PLAGL1: variants seen among roughly 807,000 people sequenced by gnomAD.
PLAGL1 encodes zinc finger protein PLAGL1.
PLAGL1 carries 1 observed loss-of-function variant against 4.6 expected under a neutral mutation model. The ratio of observed to expected loss-of-function variants is 0.22; its 90% CI spans 0.08 to 1.03. The LOEUF (loss-of-function observed/expected upper bound fraction) is 1.03. Ranked by LOEUF, PLAGL1 falls within the 50% of genes least tolerant of loss-of-function variation. The pLI is 0.58. For missense variants in PLAGL1, 464 were observed against 570.4 expected, an observed-to-expected ratio of 0.81 and a Z score of 1.90; for synonymous variants, 240 against 237.8, an observed-to-expected ratio of 1.01 and a Z score of -0.08.
intron 1 of PLAGL1, among the ~76,000 whole-genome samples, chr6:144,026,796 C>T (rs1796375005): frequency 6.6e-6 from 1 of 152,202 alleles, no homozygotes; most frequent in Non-Finnish European, 1.5e-5. Context: ...ACTGTAACTA[C>T]TGGCAAAGCA....
chr6:144,064,022 C>T lies in PLAGL1; in HGVS notation c.-151+446G>A, dbSNP rs1041601944. Among the ~76,000 whole-genome samples the T allele has an allele frequency of 4.6e-5, 7 of 152,330 alleles. No individual in the cohort carries two copies. Among genetic ancestry groups the T allele is most frequent in the Non-Finnish European group, 8.8e-5 (6 of 68,024 alleles). ...CGTTGGGGTGGTTCAGCAATGATCA[C>T]CCCGCCGTCTGCGCAGACAGCCCCG... On this transcript the variant is annotated intron_variant, in intron 1 of 3. Transcript: ENST00000437412. The surrounding 1 kb of genome is among the most constrained non-coding windows in gnomAD (Gnocchi z 6.8).
At chr6:144,060,804 G>A (rs1015987933) in intron 1 of PLAGL1, among the ~76,000 whole-genome samples, 7 of 152,328 alleles carry the variant, frequency 4.6e-5, no homozygotes, top group African/African-American at 1.7e-4. Flanking sequence ...CCTCTTCAGA[G>A]ATCAGACCTA....
At chr6:143,991,134 A>G (rs1410745288) in intron 1 of PLAGL1, among the ~76,000 whole-genome samples, 1 of 152,230 alleles carries the variant, frequency 6.6e-6, no homozygotes, top group Admixed American at 6.5e-5. Flanking sequence ...TTATGTCCAC[A>G]AGGTTGGAAA....
intron 2 of PLAGL1, among the ~76,000 whole-genome samples, chr6:143,981,652 T>TTG (rs750395457): frequency 6.6e-6 from 1 of 152,196 alleles, no homozygotes; most frequent in Non-Finnish European, 1.5e-5. Flanking sequence ...TATGGGCTTT[T>TTG]TGTGTGTGTC....
In PLAGL1 at chr6:144,034,596, C is replaced by A. The variant is rs1797080610; in HGVS notation, c.-151+29872G>T. Among the ~76,000 whole-genome samples, 1 of 152,124 alleles carries A rather than the reference C, an allele frequency of 6.6e-6. No homozygotes were observed. The highest frequency in any genetic ancestry group is 1.5e-5 in the Non-Finnish European group (1 of 68,026). On this transcript the variant is annotated intron_variant, in intron 1 of 3. Coordinates refer to the PLAGL1 transcript ENST00000437412. This position sits in a 1 kb window ranked among gnomAD's most constrained non-coding sequence, Gnocchi z 4.7. Reference sequence around the variant, plus strand: ...TCCTCCAGCAAAGAAAAGTGGGAGGCCCCGACAAATTGTCATTATGCAATA... The same window carrying A: ...TCCTCCAGCAAAGAAAAGTGGGAGGACCCGACAAATTGTCATTATGCAATA...
chr6:144,056,654 C>T lies in PLAGL1; in HGVS notation c.-151+7814G>A, dbSNP rs1332416996. 6.6e-6 allele frequency among the ~76,000 whole-genome samples: 1 copy of T among 151,914 alleles called. No individual in the cohort carries two copies. The highest frequency in any genetic ancestry group is 1.5e-5 in the Non-Finnish European group (1 of 68,006). ...TCCATGTCCTTTCATGGCTTGATAG[C>T]TCTTTGTTTTTGTTTTTGTTTTTTT... is the stretch of plus-strand genomic sequence containing the variant. On this transcript the variant is annotated intron_variant, in intron 1 of 3. Coordinates refer to the PLAGL1 transcript ENST00000437412. This position sits in a 1 kb window ranked among gnomAD's most constrained non-coding sequence, Gnocchi z 4.7.
At position 144,039,008 on chromosome 6, in the gene PLAGL1, T is replaced by A. The variant is rs1306114030; in HGVS notation, c.-151+25460A>T. 1.3e-5 allele frequency among the ~76,000 whole-genome samples: 2 copies of A among 152,076 alleles called. No homozygotes were observed. ...AAAGAAAACCATGCCAAGAGACACA[T>A]CATAAAAATTGCTGAGAGCCAGTAA... On this transcript the variant is annotated intron_variant, in intron 1 of 3. Transcript: ENST00000437412. This position sits in a 1 kb window ranked among gnomAD's most constrained non-coding sequence, Gnocchi z 4.1.
intron 1 of PLAGL1, among the ~76,000 whole-genome samples, chr6:144,045,144 C>T (rs1012353671): frequency 2.0e-5 from 3 of 151,760 alleles, no homozygotes; most frequent in African/African-American, 4.8e-5. Context: ...TCCAATTTGC[C>T]AGTCTGTGTC....
Position 143,941,648 on chromosome 6 carries a change from G to T in PLAGL1, c.1168C>A (p.Pro390Thr). The T allele has an allele frequency of 6.2e-7, 1 of 1,614,200 alleles. No homozygotes were observed. Among genetic ancestry groups the T allele is most frequent in the Non-Finnish European group, 8.5e-7 (1 of 1,180,022 alleles). The stretch of plus-strand genomic sequence containing the variant: ...AAGGTATTTTGGGTAGCAGGAGGGG[G>T]CAGCTGCCAGAAGCCCAACAGGGGG... The part of the protein sequence containing the change: ...LSPLLGFWQL[P>T]PPATQNTFGN... Residue 390 changes from proline to threonine, a missense_variant, in exon 8 of 8, where the codon CCC becomes ACC. Transcript: ENST00000674357. The surrounding 1 kb of genome is among the most constrained non-coding windows in gnomAD (Gnocchi z 6.0).
Position 144,056,895 on chromosome 6 carries a change from A to G in PLAGL1, c.-151+7573T>C, listed in dbSNP as rs1184948956. 3.3e-5 allele frequency among the ~76,000 whole-genome samples: 5 copies of G among 152,110 alleles called. No individual in the cohort carries two copies. The highest frequency in any genetic ancestry group is 5.9e-5 in the Non-Finnish European group (4 of 68,014). On this transcript the variant is annotated intron_variant, in intron 1 of 3. Coordinates refer to the PLAGL1 transcript ENST00000437412. The surrounding 1 kb of genome is among the most constrained non-coding windows in gnomAD (Gnocchi z 4.7). ...AGGCTGCTCTCAAACTCCCAGGCTC[A>G]AGCAATCCTCCTGCCTCAGCCTCCC...
rs1349453851 is a variant in PLAGL1, at chr6:143,989,404, C to T, written c.-583-4230G>A. 2.6e-5 allele frequency among the ~76,000 whole-genome samples: 4 copies of T among 152,208 alleles called. No individual in the cohort carries two copies. Among genetic ancestry groups the T allele is most frequent in the Admixed American group, 2.0e-4 (3 of 15,282 alleles). On this transcript the variant is annotated intron_variant, in intron 1 of 7. Transcript: ENST00000674357. The surrounding 1 kb of genome is among the most constrained non-coding windows in gnomAD (Gnocchi z 4.8). ...TTGGTGGAGTTCGGAGCATACCACC[C>T]TCCCAAATATGGGCTGGCATCATCC...
intron 1 of PLAGL1, chr6:144,007,160 G>A (rs1291685970): frequency 6.6e-6 from 1 of 152,226 alleles, no homozygotes; most frequent in Non-Finnish European, 1.5e-5. Flanking sequence ...TTTAACTTCA[G>A]AGCGAAAAGC....
intron 7 of PLAGL1, among the ~76,000 whole-genome samples, chr6:143,944,724 T>C (rs1054219846): frequency 1.3e-5 from 2 of 151,930 alleles, no homozygotes; most frequent in Non-Finnish European, 2.9e-5. Flanking sequence ...TGTATATATA[T>C]ATATATCGCA....
Position 143,965,647 on chromosome 6 carries a change from T to C in PLAGL1, c.-431+511A>G, listed in dbSNP as rs1454821078. ...CTGTGTTAAATTGTACCCAAGAAGA[T>C]AACTCACAAGGCAAGGAACACGGAA... On this transcript the variant is annotated intron_variant, in intron 4 of 7. Coordinates refer to ENST00000674357, the MANE Select transcript of PLAGL1 (RefSeq NM_001317162.2). This position sits in a 1 kb window ranked among gnomAD's most constrained non-coding sequence, Gnocchi z 7.5. The C allele has an allele frequency of 6.6e-6, 1 of 152,122 alleles. No individual in the cohort carries two copies. 9.4% of individuals were successfully genotyped at this position (152,122 alleles called of 1,614,324 possible).
intron 1 of PLAGL1, among the ~76,000 whole-genome samples, chr6:143,986,632 A>G (rs1391938635): frequency 6.6e-6 from 1 of 152,224 alleles, no homozygotes; most frequent in African/African-American, 2.4e-5. Context: ...GATTATAGTA[A>G]TTTGACAGAC....
chr6:144,017,563 G>A (rs891890731), intron 1 of PLAGL1, among the ~76,000 whole-genome samples: 1 of 152,118 alleles, frequency 6.6e-6, no homozygotes, highest in Non-Finnish European at 1.5e-5. Context: ...ACTCATTATC[G>A]AGCCTGCTCA....
rs1284735989 is a variant in PLAGL1 at position 143,979,195 on chromosome 6, G to GC, written c.-544+5939dup. On this transcript the variant is annotated intron_variant, in intron 2 of 7. Transcript: ENST00000674357. The surrounding 1 kb of genome is among the most constrained non-coding windows in gnomAD (Gnocchi z 4.6). ...ACACATGAAGTGCATTTTTTTGTAG[G>GC]CAGCATATAGTTAGTTCTCAAAGCG... Among the ~76,000 whole-genome samples the GC allele has an allele frequency of 6.6e-6, 1 of 151,910 alleles. No individual in the cohort carries two copies. Among genetic ancestry groups the GC allele is most frequent in the Non-Finnish European group, 1.5e-5 (1 of 67,932 alleles).
At position 144,016,080 on chromosome 6, in the gene PLAGL1, G is replaced by A. The variant is rs536599497; in HGVS notation, c.-150-47102C>T. 5.9e-5 allele frequency among the ~76,000 whole-genome samples: 9 copies of A among 151,354 alleles called. No homozygotes were observed. The highest frequency in any genetic ancestry group is 1.5e-4 in the African/African-American group (6 of 41,198). On this transcript the variant is annotated intron_variant, in intron 1 of 3. Coordinates refer to the PLAGL1 transcript ENST00000437412. This position sits in a 1 kb window ranked among gnomAD's most constrained non-coding sequence, Gnocchi z 4.2. The stretch of plus-strand genomic sequence containing the variant: ...TTGTATTAGTCAGGGTTCTCTAGAG[G>A]GACAGAACTAATAAGAGATATACAT...
rs1375310628 is a variant in PLAGL1, at chr6:144,055,562, C to T, written c.-151+8906G>A. On this transcript the variant is annotated intron_variant, in intron 1 of 3. Coordinates refer to the PLAGL1 transcript ENST00000437412. This position sits in a 1 kb window ranked among gnomAD's most constrained non-coding sequence, Gnocchi z 5.0. ...TGTGATTCTTTCTCCTCCCTCCAGT[C>T]TCATCTCAACAGTCTCTTCCATTGA... Among the ~76,000 whole-genome samples, 1 of 152,190 alleles carries T rather than the reference C, an allele frequency of 6.6e-6. No homozygotes were observed. Among genetic ancestry groups the T allele is most frequent in the East Asian group, 1.9e-4 (1 of 5,204 alleles).
Sources: gnomAD v4.1 joint callset for allele counts (sites outside exome capture counted in the v4.1 genomes callset) on GRCh38, gnomAD v4.1.1 for gene constraint, Gnocchi (gnomAD v3.1) non-coding constraint, MANE v1.5 for transcripts, NCBI Gene and HGNC (gene_info 2026-07-23, HGNC 2026-07-21) for gene names.